THSD7A: variants seen among roughly 807,000 people sequenced by gnomAD.
THSD7A encodes thrombospondin type-1 domain-containing protein 7A.
Under a neutral mutation model 231.3 loss-of-function variants are expected in THSD7A, and 96 were observed. That is an observed-to-expected ratio of 0.41 (90% CI 0.35 to 0.49). THSD7A has a LOEUF of 0.49. THSD7A is among the 20% of genes least tolerant of loss of function. The probability of loss-of-function intolerance (pLI) is 0.05; values close to 1 mark genes in which losing one functional copy is unlikely to be tolerated. For missense variants in THSD7A, 2,290 were observed against 2,070.2 expected, an observed-to-expected ratio of 1.11 and a Z score of -2.06; for synonymous variants, 940 against 743.3, an observed-to-expected ratio of 1.26 and a Z score of -4.30.
At chr7:11,800,463 C>A (rs1230128690) in intron 1 of THSD7A, among the ~76,000 whole-genome samples, 1 of 152,042 alleles carries the variant, frequency 6.6e-6, no homozygotes, top group South Asian at 2.1e-4. Flanking sequence ...GCAGGAGAAT[C>A]GGTTGAACTC....
At chr7:11,670,952 C>T (rs1237728080) in intron 1 of THSD7A, among the ~76,000 whole-genome samples, 1 of 152,142 alleles carries the variant, frequency 6.6e-6, no homozygotes, top group Admixed American at 6.5e-5. Context: ...AATGGTGAGT[C>T]TCCTTGACTT....
intron 6 of THSD7A, among the ~76,000 whole-genome samples, chr7:11,524,995 T>A (rs1389582062): frequency 6.6e-6 from 1 of 152,226 alleles, no homozygotes; most frequent in African/African-American, 2.4e-5. Context: ...ATAAACACTT[T>A]CACTTTCTGT....
intron 13 of THSD7A, among the ~76,000 whole-genome samples, chr7:11,430,835 CCTTT>C (rs1195015514): frequency 2.0e-5 from 3 of 152,110 alleles, no homozygotes; most frequent in Non-Finnish European, 4.4e-5. Flanking sequence ...GTTCTTCAGT[CCTTT>C]CTATGATTGA....
At chr7:11,552,620 C>G (rs78759526) in intron 4 of THSD7A, among the ~76,000 whole-genome samples, 8,113 of 152,020 alleles carry the variant, frequency 0.053, 259 homozygotes, top group Middle Eastern at 0.099. Context: ...AAAAGCAGCC[C>G]CACATCATTT....
At chr7:11,824,087 T>A (rs759136514) in intron 1 of THSD7A, among the ~76,000 whole-genome samples, 8 of 152,078 alleles carry the variant, frequency 5.3e-5, no homozygotes, top group Non-Finnish European at 1.0e-4. Context: ...AGTGTAAAGT[T>A]CTGATGAAAA....
At chr7:11,614,340 T>C (rs767556820) in intron 2 of THSD7A, among the ~76,000 whole-genome samples, 1 of 152,166 alleles carries the variant, frequency 6.6e-6, no homozygotes, top group Non-Finnish European at 1.5e-5. Flanking sequence ...AAGCTGTCTG[T>C]GGTTCTTTGT....
intron 6 of THSD7A, among the ~76,000 whole-genome samples, chr7:11,508,332 C>T (rs1033060275): frequency 2.0e-5 from 3 of 152,052 alleles, no homozygotes; most frequent in Admixed American, 6.5e-5. Context: ...TTCAGTGTCA[C>T]TAATCATCAG....
At chr7:11,498,871 C>A (rs2128309525) in intron 6 of THSD7A, among the ~76,000 whole-genome samples, 1 of 152,246 alleles carries the variant, frequency 6.6e-6, no homozygotes, top group East Asian at 1.9e-4. Context: ...AGGCCCCAAG[C>A]ATACAGCAGC....
chr7:11,643,752 C>T (rs1635183), intron 1 of THSD7A, among the ~76,000 whole-genome samples: 1 of 151,830 alleles, frequency 6.6e-6, no homozygotes. Flanking sequence ...TGTTCTATCG[C>T]TGGATGTTTA....
At position 11,444,962 on chromosome 7, in the gene THSD7A, T is replaced by C. The variant is rs1366365380; in HGVS notation, c.3064+1099A>G. 6.7e-5 allele frequency among the ~76,000 whole-genome samples: 10 copies of C among 149,208 alleles called. No homozygotes were observed. The highest frequency in any genetic ancestry group is 6.0e-4 in the Admixed American group (9 of 14,888). On this transcript the variant is annotated intron_variant, in intron 13 of 27. Transcript: ENST00000423059. The surrounding 1 kb of genome is among the most constrained non-coding windows in gnomAD (Gnocchi z 4.2). ...GAATGAAACTATATATATGTATATA[T>C]ATATTAAATGAAACTTCTTTGTAGT...
chr7:11,664,472 C>T (rs866021824), intron 1 of THSD7A, among the ~76,000 whole-genome samples: 1 of 151,960 alleles, frequency 6.6e-6, no homozygotes, highest in Middle Eastern at 3.4e-3. Context: ...ATAAATACAT[C>T]ACATGCTTAG....
intron 1 of THSD7A, among the ~76,000 whole-genome samples, chr7:11,793,823 A>T (rs964124949): frequency 1.3e-5 from 2 of 151,940 alleles, no homozygotes; most frequent in East Asian, 1.9e-4. Context: ...TGGACTTCCA[A>T]TGTGGGTGTT....
intron 1 of THSD7A, among the ~76,000 whole-genome samples, chr7:11,659,077 T>G (rs1344062293): frequency 6.6e-6 from 1 of 151,648 alleles, no homozygotes; most frequent in Non-Finnish European, 1.5e-5. Flanking sequence ...ACTCCTATCT[T>G]TAATTAATCT....
chr7:11,637,469 G>T lies in THSD7A; in HGVS notation c.191-508C>A, dbSNP rs772475474. ...ATTTTCATAGACTATGACTGCAAGG[G>T]TCTAATAGTTGTATATCATGTGTGC... On this transcript the variant is annotated intron_variant, in intron 1 of 27. Transcript: ENST00000423059. This position sits in a 1 kb window ranked among gnomAD's most constrained non-coding sequence, Gnocchi z 4.2. Among the ~76,000 whole-genome samples, 1 of 152,114 alleles carries T rather than the reference G, an allele frequency of 6.6e-6. No individual in the cohort carries two copies. The highest frequency in any genetic ancestry group is 1.5e-5 in the Non-Finnish European group (1 of 68,034).
At chr7:11,596,709 G>A (rs563974982) in intron 2 of THSD7A, among the ~76,000 whole-genome samples, 6 of 152,308 alleles carry the variant, frequency 3.9e-5, no homozygotes, top group Admixed American at 2.6e-4. Flanking sequence ...CTCCCATTTG[G>A]CCTGTGCAGA....
chr7:11,378,669 C>T (rs893136128), intron 26 of THSD7A: 1 of 198,544 alleles, frequency 5.0e-6, no homozygotes, highest in African/African-American at 2.4e-5. Flanking sequence ...AAGGGTCAAA[C>T]TATTACTGTT....
chr7:11,432,524 T>G (rs970499485), intron 13 of THSD7A, among the ~76,000 whole-genome samples: 8 of 152,108 alleles, frequency 5.3e-5, no homozygotes, highest in African/African-American at 1.9e-4. Context: ...CTGTGTAGAA[T>G]AGTTTTACTT....
At chr7:11,508,808 G>T (rs1787668533) in intron 6 of THSD7A, among the ~76,000 whole-genome samples, 1 of 152,224 alleles carries the variant, frequency 6.6e-6, no homozygotes, top group Non-Finnish European at 1.5e-5. Context: ...GATTAATCTT[G>T]AAGACATTAT....
At chr7:11,428,278 T>A (rs1379909010) in intron 14 of THSD7A, among the ~76,000 whole-genome samples, 1 of 152,192 alleles carries the variant, frequency 6.6e-6, no homozygotes, top group African/African-American at 2.4e-5. Context: ...CTGATTATGT[T>A]ACATTCCATT....
Sources: allele counts gnomAD v4.1 joint callset (sites outside exome capture counted in the v4.1 genomes callset), GRCh38; gene constraint gnomAD v4.1.1; non-coding constraint Gnocchi (gnomAD v3.1); transcripts MANE v1.5; gene names NCBI Gene and HGNC (gene_info 2026-07-23, HGNC 2026-07-21).